L3MBTL4: variants seen among roughly 807,000 people sequenced by gnomAD.
L3MBTL4 encodes L3MBTL histone methyl-lysine binding protein 4.
L3MBTL4 carries 70 observed loss-of-function variants against 84.5 expected under a neutral mutation model. The ratio of observed to expected loss-of-function variants is 0.83; its 90% CI spans 0.68 to 1.01. The LOEUF (loss-of-function observed/expected upper bound fraction) is 1.01. L3MBTL4 is among the 50% of genes least tolerant of loss of function. The pLI is 0.00. For missense variants in L3MBTL4, 715 were observed against 754.8 expected (o/e 0.95, Z 0.62); for synonymous variants, 274 against 259.8 (o/e 1.05, Z -0.52).
At chr18:6,165,923 A>G (rs113168530) in intron 13 of L3MBTL4, among the ~76,000 whole-genome samples, 1 of 152,216 alleles carries the variant, frequency 6.6e-6, no homozygotes. Context: ...AGTGTGCTGT[A>G]TTCAGGAAAC....
At chr18:6,073,833 TA>T (rs1316375273) in intron 16 of L3MBTL4, among the ~76,000 whole-genome samples, 1 of 152,214 alleles carries the variant, frequency 6.6e-6, no homozygotes, top group Non-Finnish European at 1.5e-5. Flanking sequence ...TAACATTTAA[TA>T]CATTGAGATA....
At chr18:6,303,911 G>A (rs978216286) in intron 3 of L3MBTL4, among the ~76,000 whole-genome samples, 2 of 151,866 alleles carry the variant, frequency 1.3e-5, no homozygotes, top group African/African-American at 2.4e-5. Flanking sequence ...CTACTCAGGA[G>A]GCTGAGACAG....
intron 12 of L3MBTL4, among the ~76,000 whole-genome samples, chr18:6,192,760 T>C (rs569773595): frequency 6.6e-6 from 1 of 152,104 alleles, no homozygotes; most frequent in East Asian, 2.0e-4. Flanking sequence ...TGTGTCTCTC[T>C]AGCCATGCCT....
At chr18:5,974,421 A>G (rs1214434529) in intron 16 of L3MBTL4, among the ~76,000 whole-genome samples, 3 of 82,862 alleles carry the variant, frequency 3.6e-5, no homozygotes, top group African/African-American at 2.3e-4. Context: ...TGCCCTTCCT[A>G]TAGAGGCAAT....
intron 1 of L3MBTL4, among the ~76,000 whole-genome samples, chr18:6,383,467 T>C (rs1273027270): frequency 6.6e-6 from 1 of 152,180 alleles, no homozygotes; most frequent in Non-Finnish European, 1.5e-5. Flanking sequence ...TCTCCTGGTC[T>C]GCAGGTTGTG....
intron 1 of L3MBTL4, among the ~76,000 whole-genome samples, chr18:6,390,030 G>A (rs1165692913): frequency 6.6e-6 from 1 of 152,062 alleles, no homozygotes; most frequent in South Asian, 2.1e-4. Flanking sequence ...CATTCTCCAA[G>A]ACAGACCATA....
chr18:6,409,269 C>A (rs1279577099), intron 1 of L3MBTL4, among the ~76,000 whole-genome samples: 1 of 152,102 alleles, frequency 6.6e-6, no homozygotes, highest in Non-Finnish European at 1.5e-5. Flanking sequence ...ATAATCTGGT[C>A]CTTGATTTTT....
At chr18:6,258,090 C>T (rs2048232524) in intron 5 of L3MBTL4, among the ~76,000 whole-genome samples, 1 of 152,186 alleles carries the variant, frequency 6.6e-6, no homozygotes, top group Non-Finnish European at 1.5e-5. Flanking sequence ...ACACTTCTTC[C>T]AGGACCACAG....
intron 1 of L3MBTL4, among the ~76,000 whole-genome samples, chr18:6,410,270 G>A (rs1359749492): frequency 6.6e-6 from 1 of 152,222 alleles, no homozygotes; most frequent in Non-Finnish European, 1.5e-5. Flanking sequence ...CTGGCTAGCA[G>A]ATACTCATCC....
intron 4 of L3MBTL4, among the ~76,000 whole-genome samples, chr18:6,267,767 A>G (rs1307896261): frequency 6.6e-6 from 1 of 152,230 alleles, no homozygotes; most frequent in Non-Finnish European, 1.5e-5. Context: ...TTGATCAAAA[A>G]TAAGAATACA....
At chr18:6,044,556 G>C (rs2056536349) in intron 16 of L3MBTL4, among the ~76,000 whole-genome samples, 1 of 152,160 alleles carries the variant, frequency 6.6e-6, no homozygotes. Flanking sequence ...GGTGCCAGTA[G>C]CCAGCCATGA....
chr18:6,042,346 TACAC>T (rs560288134), intron 16 of L3MBTL4, among the ~76,000 whole-genome samples: 1 of 151,612 alleles, frequency 6.6e-6, no homozygotes, highest in Non-Finnish European at 1.5e-5. Context: ...TTACAAAACA[TACAC>T]ACACACATAC....
At chr18:6,065,611 C>T (rs1478833021) in intron 16 of L3MBTL4, among the ~76,000 whole-genome samples, 1 of 151,904 alleles carries the variant, frequency 6.6e-6, no homozygotes, top group African/African-American at 2.4e-5. Flanking sequence ...TATCCATTTC[C>T]TCTAGGGTTT....
At chr18:6,389,973 T>G (rs1203238437) in intron 1 of L3MBTL4, among the ~76,000 whole-genome samples, 1 of 152,108 alleles carries the variant, frequency 6.6e-6, no homozygotes, top group South Asian at 2.1e-4. Context: ...ACAGAACATT[T>G]TACCCAAGAA....
At chr18:6,203,950 A>G (rs1167869907) in intron 12 of L3MBTL4, among the ~76,000 whole-genome samples, 1 of 152,148 alleles carries the variant, frequency 6.6e-6, no homozygotes, top group Admixed American at 6.5e-5. Flanking sequence ...TGGGCATGAA[A>G]TCTGCCTGAA....
intron 16 of L3MBTL4, among the ~76,000 whole-genome samples, chr18:6,051,729 G>T (rs184510013): frequency 6.6e-6 from 1 of 152,286 alleles, no homozygotes; most frequent in Non-Finnish European, 1.5e-5. Flanking sequence ...TTGTGGGACT[G>T]TCTGAGGAGG....
intron 14 of L3MBTL4, among the ~76,000 whole-genome samples, chr18:6,115,637 G>A (rs796298709): frequency 7.9e-5 from 12 of 152,272 alleles, no homozygotes; most frequent in African/African-American, 1.9e-4. Flanking sequence ...ATCAGAAGCC[G>A]AGCACATTTA....
chr18:5,975,403 G>A (rs2052865444), intron 16 of L3MBTL4, among the ~76,000 whole-genome samples: 1 of 152,174 alleles, frequency 6.6e-6, no homozygotes, highest in African/African-American at 2.4e-5. Context: ...CACCCACTGT[G>A]TAATCTGTGA....
chr18:6,400,703 C>T (rs1236765765), intron 1 of L3MBTL4, among the ~76,000 whole-genome samples: 2 of 152,156 alleles, frequency 1.3e-5, no homozygotes, highest in East Asian at 3.9e-4. Context: ...TGAGACACCA[C>T]ACCCGGCACA....
Sources: gnomAD v4.1 joint callset for allele counts (sites outside exome capture counted in the v4.1 genomes callset) on GRCh38, gnomAD v4.1.1 for gene constraint, MANE v1.5 for transcripts, NCBI Gene and HGNC (gene_info 2026-07-23, HGNC 2026-07-21) for gene names.